The following RAB20 variants were observed in gnomAD, a reference collection of about 807,000 sequenced individuals.
RAB20 encodes the protein ras-related protein Rab-20.
RAB20 carries 2 observed loss-of-function variants against 3.7 expected under a neutral mutation model. The ratio of observed to expected loss-of-function variants is 0.54; its 90% CI spans 0.22 to 1.69. The LOEUF (loss-of-function observed/expected upper bound fraction) is 1.69, where lower values mean the gene tolerates loss of function less well. Among genes scored for constraint, RAB20 ranks in the 40% most tolerant of loss-of-function variants. The pLI, the probability that RAB20 is intolerant of heterozygous loss-of-function variation, is 0.19. For synonymous variants in RAB20, 126 were observed against 130.8 expected, an observed-to-expected ratio of 0.96 and a Z score of 0.25; for missense variants, 276 against 311.9, an observed-to-expected ratio of 0.88 and a Z score of 0.87.
chr13:110,547,559 C>T (rs1028013390), intron 1 of RAB20, among the ~76,000 whole-genome samples: 3 of 152,170 alleles, frequency 2.0e-5, no homozygotes, highest in African/African-American at 7.2e-5. Flanking sequence ...TCCACTCTCA[C>T]TTTAGGATCC....
At chr13:110,526,292 C>T (rs1378331851) in intron 1 of RAB20, among the ~76,000 whole-genome samples, 1 of 152,204 alleles carries the variant, frequency 6.6e-6, no homozygotes, top group Non-Finnish European at 1.5e-5. Flanking sequence ...AGAGGTGGCA[C>T]CCAGGGAGTG....
At chr13:110,558,200 C>A (rs78441315) in intron 1 of RAB20, among the ~76,000 whole-genome samples, 1,841 of 152,312 alleles carry the variant, frequency 0.012, 47 homozygotes, top group African/African-American at 0.042. Flanking sequence ...CCTCGCTGGG[C>A]AACCTCCTTT....
chr13:110,557,986 C>T (rs1384047740), intron 1 of RAB20, among the ~76,000 whole-genome samples: 1 of 152,272 alleles, frequency 6.6e-6, no homozygotes, highest in Non-Finnish European at 1.5e-5. Flanking sequence ...TTCTTGCCTG[C>T]CTTTCCCCCT....
rs192915953 is a variant in RAB20, at chr13:110,557,925, C to T, written c.172+3423G>A. Among the ~76,000 whole-genome samples the T allele has an allele frequency of 4.5e-3, 693 of 152,390 alleles. 3 individuals are homozygous for T. The highest frequency in any genetic ancestry group is 0.015 in the South Asian group (74 of 4,832). ...GCACACCAGCCGCTTTCTCATCAGC[C>T]TGTCGTATTTTCTTCAGAGCAACGA... On this transcript the variant is annotated intron_variant, in intron 1 of 1. Transcript: ENST00000267328.
chr13:110,547,308 T>C (rs1166925857), intron 1 of RAB20, among the ~76,000 whole-genome samples: 3 of 152,252 alleles, frequency 2.0e-5, no homozygotes, highest in African/African-American at 7.2e-5. Flanking sequence ...CGCAACAAGC[T>C]TCCTATGTGA....
At chr13:110,560,507 A>C (rs1050669590) in intron 1 of RAB20, among the ~76,000 whole-genome samples, 3 of 152,178 alleles carry the variant, frequency 2.0e-5, no homozygotes, top group African/African-American at 7.2e-5. Flanking sequence ...GAACTTTCAG[A>C]GTTTCAGGCT....
chr13:110,553,141 T>A (rs184658967), intron 1 of RAB20, among the ~76,000 whole-genome samples: 12 of 152,374 alleles, frequency 7.9e-5, no homozygotes, highest in Admixed American at 2.0e-4. Context: ...AGAAGGCACC[T>A]GTTCGAAGTC....
At chr13:110,558,415 C>T (rs1885076593) in intron 1 of RAB20, among the ~76,000 whole-genome samples, 1 of 121,930 alleles carries the variant, frequency 8.2e-6, no homozygotes, top group South Asian at 2.8e-4. Flanking sequence ...CAGAGTCTTA[C>T]TCTTGTCACC....
Position 110,523,841 on chromosome 13 carries a change from G to C in RAB20, c.529C>G (p.Gln177Glu). The C allele has an allele frequency of 6.2e-7, 1 of 1,614,202 alleles. No individual in the cohort carries two copies. Residue 177 changes from glutamine to glutamate, a missense_variant, in exon 2 of 2, where the codon CAA becomes GAA. Coordinates refer to ENST00000267328, the MANE Select transcript of RAB20 (RefSeq NM_017817.3). The part of the protein sequence containing the change: ...LDEQDVPAAE[Q>E]MCFETSAKTG... ...TTGGCGCTGGTCTCAAAGCACATTTGCTCAGCGGCCGGCACATCCTGCTCA... is the reference window on the plus strand; with the variant it reads ...TTGGCGCTGGTCTCAAAGCACATTTCCTCAGCGGCCGGCACATCCTGCTCA...
intron 1 of RAB20, among the ~76,000 whole-genome samples, chr13:110,558,706 T>G (rs999135817): frequency 2.2e-5 from 3 of 137,078 alleles, no homozygotes; most frequent in Non-Finnish European, 4.7e-5. Context: ...TTTTTTTTTT[T>G]TTTTTTTTTT....
intron 1 of RAB20, among the ~76,000 whole-genome samples, chr13:110,549,912 CAG>C (rs1048807284): frequency 3.9e-5 from 6 of 152,100 alleles, no homozygotes; most frequent in Non-Finnish European, 5.9e-5. Flanking sequence ...TTAGTAGAGA[CAG>C]AGTCTCGCCA....
chr13:110,527,754 A>C (rs9634593), intron 1 of RAB20, among the ~76,000 whole-genome samples: 85,645 of 151,888 alleles, frequency 0.56, 24,359 homozygotes, highest in Admixed American at 0.62. Flanking sequence ...TCATTCTCCC[A>C]CTACAGAAGA....
rs563104893 is a variant in RAB20, at chr13:110,557,774, C to T, written c.172+3574G>A. Reference sequence around the variant, plus strand: ...AAGGGCCAGGTGCTGGGGATGCAAACGTGAGTCAGGTAATGCCCCTGCTCC... The same window carrying T: ...AAGGGCCAGGTGCTGGGGATGCAAATGTGAGTCAGGTAATGCCCCTGCTCC... On this transcript the variant is annotated intron_variant, in intron 1 of 1. Transcript: ENST00000267328. 1.1e-3 allele frequency among the ~76,000 whole-genome samples: 166 copies of T among 152,192 alleles called. 3 individuals are homozygous for T. The highest frequency in any genetic ancestry group is 1.9e-3 in the South Asian group (9 of 4,824).
intron 1 of RAB20, among the ~76,000 whole-genome samples, chr13:110,534,547 CAG>C (rs1431427635): frequency 1.3e-5 from 2 of 152,214 alleles, no homozygotes; most frequent in African/African-American, 2.4e-5. Flanking sequence ...AGTGGCATGA[CAG>C]GGGCTTTTCA....
intron 1 of RAB20, among the ~76,000 whole-genome samples, chr13:110,545,688 C>T (rs888461659): frequency 3.3e-5 from 5 of 152,142 alleles, no homozygotes; most frequent in African/African-American, 1.2e-4. Context: ...TTGGGCAAGT[C>T]TAGAGAAGTG....
intron 1 of RAB20, among the ~76,000 whole-genome samples, chr13:110,537,075 A>G (rs1884659624): frequency 1.3e-5 from 2 of 151,324 alleles, no homozygotes; most frequent in South Asian, 4.2e-4. Flanking sequence ...GTGACCTCCC[A>G]GGTTCAAACA....
intron 1 of RAB20, among the ~76,000 whole-genome samples, chr13:110,538,923 A>G (rs1345990672): frequency 6.6e-6 from 1 of 152,196 alleles, no homozygotes; most frequent in Non-Finnish European, 1.5e-5. Flanking sequence ...ACTCTGCTCA[A>G]TTGTACCAAG....
At chr13:110,554,468 A>G (rs1274842353) in intron 1 of RAB20, among the ~76,000 whole-genome samples, 3 of 152,198 alleles carry the variant, frequency 2.0e-5, no homozygotes, top group African/African-American at 4.8e-5. Context: ...TCTCCCTCTC[A>G]TTCGGCACCT....
chr13:110,538,126 C>A (rs1200059702), intron 1 of RAB20, among the ~76,000 whole-genome samples: 2 of 151,414 alleles, frequency 1.3e-5, no homozygotes, highest in African/African-American at 2.4e-5. Context: ...ATAGGCCCAG[C>A]TACTTGGGAG....
Sources: gnomAD v4.1 joint callset for allele counts (sites outside exome capture counted in the v4.1 genomes callset) on GRCh38, gnomAD v4.1.1 for gene constraint, MANE v1.5 for transcripts, NCBI Gene and HGNC (gene_info 2026-07-23, HGNC 2026-07-21) for gene names.